The following CSMD1 variants were observed in gnomAD, a reference collection of about 807,000 sequenced individuals.
CSMD1 encodes the protein CUB and sushi domain-containing protein 1.
Under a neutral mutation model 417.5 loss-of-function variants are expected in CSMD1, and 213 were observed. That is an observed-to-expected ratio of 0.51 (90% CI 0.46 to 0.57). The LOEUF is 0.57. Ranked by LOEUF, CSMD1 falls within the 20% of genes least tolerant of loss-of-function variation. The pLI, the probability that CSMD1 is intolerant of heterozygous loss-of-function variation, is 0.00. For synonymous variants in CSMD1, 2,862 were observed against 1,736.8 expected (o/e 1.65, Z -16.11); for missense variants, 6,923 against 4,529.7 (o/e 1.53, Z -15.17).
chr8:3,224,731 T>C (rs2116876474), intron 27 of CSMD1, among the ~76,000 whole-genome samples: 1 of 152,362 alleles, frequency 6.6e-6, no homozygotes, highest in Non-Finnish European at 1.5e-5. Context: ...AGGCAGTAAT[T>C]ATGTAGCTCA....
At chr8:3,656,512 C>T (rs932863031) in intron 7 of CSMD1, among the ~76,000 whole-genome samples, 2 of 152,186 alleles carry the variant, frequency 1.3e-5, no homozygotes, top group Non-Finnish European at 2.9e-5. Flanking sequence ...GTGCAGTCCT[C>T]AGTCTTCTAA....
At chr8:4,862,988 G>T (rs750098019) in intron 1 of CSMD1, among the ~76,000 whole-genome samples, 11 of 151,998 alleles carry the variant, frequency 7.2e-5, no homozygotes, top group Non-Finnish European at 1.2e-4. Context: ...GAGGGAACCA[G>T]CAAATACCCC....
At chr8:3,987,664 T>A (rs1200806442) in intron 5 of CSMD1, among the ~76,000 whole-genome samples, 1 of 152,116 alleles carries the variant, frequency 6.6e-6, no homozygotes, top group African/African-American at 2.4e-5. Flanking sequence ...AAGAGACAGT[T>A]CCCAGACAGA....
At chr8:4,287,577 C>T (rs1367074200) in intron 3 of CSMD1, among the ~76,000 whole-genome samples, 3 of 151,986 alleles carry the variant, frequency 2.0e-5, no homozygotes, top group Non-Finnish European at 2.9e-5. Context: ...TGTCTGCAAG[C>T]TTTTATTACC....
At chr8:3,012,464 C>T (rs936316830) in intron 52 of CSMD1, among the ~76,000 whole-genome samples, 2 of 152,104 alleles carry the variant, frequency 1.3e-5, no homozygotes, top group African/African-American at 4.8e-5. Context: ...AGCATGCCAG[C>T]AGTATGAGTC....
chr8:3,629,648 G>A (rs1212516446), intron 7 of CSMD1, among the ~76,000 whole-genome samples: 1 of 152,028 alleles, frequency 6.6e-6, no homozygotes, highest in African/African-American at 2.4e-5. Flanking sequence ...ATTTTATCAA[G>A]GAATGTTATA....
intron 2 of CSMD1, among the ~76,000 whole-genome samples, chr8:4,505,946 A>G (rs1485223024): frequency 6.6e-6 from 1 of 151,962 alleles, no homozygotes; most frequent in Non-Finnish European, 1.5e-5. Flanking sequence ...TTACAGGTGC[A>G]TGTCACCACG....
intron 5 of CSMD1, among the ~76,000 whole-genome samples, chr8:3,993,078 C>A (rs2627328): frequency 2.0e-5 from 3 of 152,060 alleles, no homozygotes; most frequent in Admixed American, 6.5e-5. Context: ...CAGAGGAAAT[C>A]AAACAGAGTC....
chr8:4,438,527 T>C (rs894628829), intron 2 of CSMD1, among the ~76,000 whole-genome samples: 2 of 152,188 alleles, frequency 1.3e-5, no homozygotes, highest in African/African-American at 4.8e-5. Flanking sequence ...GAAGTCCCAC[T>C]CCTTTCACAT....
intron 5 of CSMD1, among the ~76,000 whole-genome samples, chr8:3,872,837 T>TC (rs1388342146): frequency 9.2e-6 from 1 of 108,786 alleles, no homozygotes; most frequent in Non-Finnish European, 1.9e-5. Context: ...ATAAGACAGC[T>TC]CCAAAAAAAA....
intron 5 of CSMD1, among the ~76,000 whole-genome samples, chr8:3,997,650 A>G (rs1272499277): frequency 6.6e-6 from 1 of 152,206 alleles, no homozygotes; most frequent in East Asian, 1.9e-4. Flanking sequence ...AAACAGTCCA[A>G]AAATGACAGC....
chr8:3,754,101 T>C (rs948069732), intron 5 of CSMD1, 59 bp from the exon 6 acceptor site: 6 of 1,081,000 alleles, frequency 5.6e-6, no homozygotes, highest in Non-Finnish European at 8.4e-6. Flanking sequence ...AAATGTCCTA[T>C]ATCAAACCCG....
chr8:3,067,826 T>C (rs1813044836), intron 49 of CSMD1, among the ~76,000 whole-genome samples: 1 of 152,074 alleles, frequency 6.6e-6, no homozygotes, highest in Admixed American at 6.6e-5. Flanking sequence ...TAATTTATCT[T>C]ACTGAATTCT....
At chr8:3,484,981 C>A (rs957788623) in intron 11 of CSMD1, among the ~76,000 whole-genome samples, 1 of 152,098 alleles carries the variant, frequency 6.6e-6, no homozygotes, top group African/African-American at 2.4e-5. Flanking sequence ...TGTTGGAGAA[C>A]CATGCTGGAA....
At chr8:3,163,617 GAA>G (rs996110984) in intron 37 of CSMD1, among the ~76,000 whole-genome samples, 5 of 107,996 alleles carry the variant, frequency 4.6e-5, no homozygotes, top group African/African-American at 6.8e-5. Context: ...TTCCGAAAAA[GAA>G]AAAAAAAAAA....
intron 1 of CSMD1, among the ~76,000 whole-genome samples, chr8:4,796,294 G>A (rs534566423): frequency 1.3e-5 from 2 of 151,966 alleles, no homozygotes; most frequent in Non-Finnish European, 2.9e-5. Context: ...TTGGCAGAAG[G>A]CATTCCATGG....
chr8:4,736,069 A>G (rs924713689), intron 1 of CSMD1, among the ~76,000 whole-genome samples: 1 of 152,186 alleles, frequency 6.6e-6, no homozygotes, highest in Non-Finnish European at 1.5e-5. Context: ...GTTAGCCTTC[A>G]TGAATATGCC....
At chr8:4,327,855 C>G (rs530002630) in intron 3 of CSMD1, among the ~76,000 whole-genome samples, 3 of 152,180 alleles carry the variant, frequency 2.0e-5, no homozygotes, top group Admixed American at 6.6e-5. Flanking sequence ...AAAGATGACA[C>G]ATTTTGTAAA....
chr8:3,763,375 G>C (rs7830762), intron 5 of CSMD1, among the ~76,000 whole-genome samples: 4 of 152,070 alleles, frequency 2.6e-5, no homozygotes, highest in African/African-American at 7.3e-5. Context: ...TGAATGGCTG[G>C]TGCCTTCCCC....
Sources: gnomAD v4.1 joint callset for allele counts (sites outside exome capture counted in the v4.1 genomes callset) on GRCh38, gnomAD v4.1.1 for gene constraint, MANE v1.5 for transcripts, NCBI Gene and HGNC (gene_info 2026-07-23, HGNC 2026-07-21) for gene names.